SH3BP4: variants seen among roughly 807,000 people sequenced by gnomAD.
SH3BP4 encodes SH3 domain-binding protein 4.
Under a neutral mutation model 65.5 loss-of-function variants are expected in SH3BP4, and 33 were observed. The observed-to-expected ratio is 0.50, with a 90% confidence interval of 0.38 to 0.67. The LOEUF (loss-of-function observed/expected upper bound fraction) is 0.67, where lower values mean the gene tolerates loss of function less well. Ranked by LOEUF, SH3BP4 falls within the 30% of genes least tolerant of loss-of-function variation. The pLI is 0.00. For synonymous variants in SH3BP4, 552 were observed against 545.5 expected, an observed-to-expected ratio of 1.01 and a Z score of -0.17; for missense variants, 1,134 against 1,261.4, an observed-to-expected ratio of 0.90 and a Z score of 1.53.
chr2:234,974,600 A>AG lies in SH3BP4; in HGVS notation c.-206-20701dup, dbSNP rs1693112943. On this transcript the variant is annotated intron_variant, in intron 1 of 5. Coordinates refer to ENST00000392011, the MANE Select transcript of SH3BP4 (RefSeq NM_014521.3). This position sits in a 1 kb window ranked among gnomAD's most constrained non-coding sequence, Gnocchi z 4.6. ...CCCTTCAGTTTCTTGCCTTAGTGTT[A>AG]GGCTGGCGCGGGCCTTCTGGTGCTC... Among the ~76,000 whole-genome samples the AG allele has an allele frequency of 6.6e-6, 1 of 152,160 alleles. No individual in the cohort carries two copies. The highest frequency in any genetic ancestry group is 2.4e-5 in the African/African-American group (1 of 41,434).
At position 235,042,488 on chromosome 2, in the gene SH3BP4, C is replaced by A; in HGVS notation, c.1719C>A (p.Ile573=). 6.2e-7 allele frequency: 1 copy of A among 1,614,212 alleles called. No homozygotes were observed. Among genetic ancestry groups the A allele is most frequent in the Non-Finnish European group, 8.5e-7 (1 of 1,180,042 alleles). Residue 573 remains isoleucine (I), a synonymous_variant, in exon 4 of 6, where the codon ATC becomes ATA. Coordinates refer to ENST00000392011, the MANE Select transcript of SH3BP4 (RefSeq NM_014521.3). The surrounding 1 kb of genome is among the most constrained non-coding windows in gnomAD (Gnocchi z 7.3). ...AGCTGGGCAAGGTGAGCCGCCTGAT[C>A]TTCCCCATCACCTCCCAGAACCCCA... The part of the protein sequence containing the change: ...QLKLGKVSRL[I]FPITSQNPNE...
rs1693236691 is a variant in SH3BP4, at chr2:234,978,327, A to G, written c.-206-16976A>G. Among the ~76,000 whole-genome samples the G allele has an allele frequency of 6.6e-6, 1 of 152,162 alleles. No individual in the cohort carries two copies. The stretch of plus-strand genomic sequence containing the variant: ...CATTCATTAATTCATCCATTCATTC[A>G]TTCATTCAACAAGTACCTGACAGCC... On this transcript the variant is annotated intron_variant, in intron 1 of 5. Transcript: ENST00000392011. The surrounding 1 kb of genome is among the most constrained non-coding windows in gnomAD (Gnocchi z 4.1).
At chr2:235,010,107 T>A (rs895734286) in intron 2 of SH3BP4, among the ~76,000 whole-genome samples, 1 of 151,844 alleles carries the variant, frequency 6.6e-6, no homozygotes, top group African/African-American at 2.4e-5. Context: ...CATCCCCTCC[T>A]TGGCAGCCTG....
rs558758512 is a variant in SH3BP4 at position 234,969,297 on chromosome 2, T to C, written c.-207+17127T>C. ...CGGTGCTCTGATCTGCGGGTGGCTT[T>C]GGGGAACGGTAGAGTCTGGGTCTAT... On this transcript the variant is annotated intron_variant, in intron 1 of 5. Coordinates refer to ENST00000392011, the MANE Select transcript of SH3BP4 (RefSeq NM_014521.3). Among the ~76,000 whole-genome samples, 9 of 152,304 alleles carry C rather than the reference T, an allele frequency of 5.9e-5. 1 individual carries two copies. In the South Asian group the frequency reaches 1.2e-3, roughly 21 times the overall value.
chr2:235,025,662 G>A (rs1249679848), intron 2 of SH3BP4, among the ~76,000 whole-genome samples: 2 of 152,238 alleles, frequency 1.3e-5, no homozygotes, highest in Non-Finnish European at 2.9e-5. Flanking sequence ...GGAAACGAGT[G>A]TAGTTAGGGA....
At chr2:234,955,545 A>G (rs566321969) in intron 1 of SH3BP4, among the ~76,000 whole-genome samples, 2 of 152,236 alleles carry the variant, frequency 1.3e-5, no homozygotes, top group South Asian at 2.1e-4. Flanking sequence ...AGTCTCAATA[A>G]TCAGTCTTCA....
chr2:234,988,344 C>A (rs188935916), intron 1 of SH3BP4, among the ~76,000 whole-genome samples: 12 of 152,322 alleles, frequency 7.9e-5, no homozygotes, highest in South Asian at 2.1e-4. Context: ...CAGGCGTGAG[C>A]CACCACACCC....
At chr2:234,986,093 TG>T (rs2106262944) in intron 1 of SH3BP4, among the ~76,000 whole-genome samples, 16 of 139,608 alleles carry the variant, frequency 1.1e-4, no homozygotes, top group African/African-American at 4.5e-4. Flanking sequence ...AACCAGCCCT[TG>T]ACACAAACCT....
In SH3BP4 at chr2:235,041,750, G is replaced by C; in HGVS notation, c.981G>C (p.Gly327=). The part of the protein sequence containing the change: ...TNIVCKLDSS[G]GAVQLPDTSI... ...TCGTGTGCAAGCTGGATAGCTCCGG[G>C]GGTGCTGTCCAGCTTCCTGACACCA... The change falls in exon 4 of 6, where the codon GGG becomes GGC. Residue 327 remains glycine, a synonymous_variant. Transcript: ENST00000392011. The surrounding 1 kb of genome is among the most constrained non-coding windows in gnomAD (Gnocchi z 6.0). The C allele has an allele frequency of 6.2e-7, 1 of 1,606,902 alleles. No homozygotes were observed.
chr2:235,021,750 T>C (rs59524515), intron 2 of SH3BP4, among the ~76,000 whole-genome samples: 33,395 of 152,076 alleles, frequency 0.22, 3,908 homozygotes, highest in East Asian at 0.45. Flanking sequence ...ACAGCAGAAC[T>C]ATCATGGTTA....
intron 2 of SH3BP4, among the ~76,000 whole-genome samples, chr2:235,029,195 AC>A (rs1287168664): frequency 1.3e-5 from 2 of 152,192 alleles, no homozygotes; most frequent in African/African-American, 2.4e-5. Context: ...AGGTGGAGCC[AC>A]CAGGAGTGCA....
At chr2:235,023,983 G>T (rs1694920511) in intron 2 of SH3BP4, among the ~76,000 whole-genome samples, 1 of 152,174 alleles carries the variant, frequency 6.6e-6, no homozygotes, top group African/African-American at 2.4e-5. Context: ...AGTGGGAGGG[G>T]AGGAGGGACA....
In SH3BP4 at chr2:235,054,037, TTTG is replaced by T. The variant is rs1046952897; in HGVS notation, c.*224_*226del. The T allele has an allele frequency of 2.0e-6, 1 of 497,614 alleles. No individual in the cohort carries two copies. Among genetic ancestry groups the T allele is most frequent in the African/African-American group, 1.9e-5 (1 of 52,884 alleles). 30.8% of individuals were successfully genotyped at this position (497,614 alleles called of 1,614,324 possible). ...TCGTTGCCAATCACATAGCTTTCTATTTGTTAAGTATAAATTTAAATTTAAAAT... is the reference window on the plus strand; with the variant it reads ...TCGTTGCCAATCACATAGCTTTCTATTTAAGTATAAATTTAAATTTAAAAT... On this transcript the variant is annotated 3_prime_UTR_variant, in exon 6 of 6. Transcript: ENST00000392011.
At chr2:235,008,107 C>T (rs957656812) in intron 2 of SH3BP4, among the ~76,000 whole-genome samples, 3 of 152,194 alleles carry the variant, frequency 2.0e-5, no homozygotes, top group African/African-American at 7.2e-5. Context: ...TGGCCTTCCT[C>T]TCCAGACTGG....
intron 4 of SH3BP4, among the ~76,000 whole-genome samples, chr2:235,044,926 G>T (rs1241079143): frequency 6.6e-6 from 1 of 152,214 alleles, no homozygotes; most frequent in Non-Finnish European, 1.5e-5. Flanking sequence ...GCCGTCAGGG[G>T]GGCCACCTTG....
chr2:234,997,415 A>T lies in SH3BP4; in HGVS notation c.-133+2039A>T, dbSNP rs78256587. ...CTCATGGGTTCAAGTTGTTAACCTG[A>T]TCCTGCTCCCACTGTCATCACCATC... On this transcript the variant is annotated intron_variant, in intron 2 of 5. Coordinates refer to ENST00000392011, the MANE Select transcript of SH3BP4 (RefSeq NM_014521.3). This position sits in a 1 kb window ranked among gnomAD's most constrained non-coding sequence, Gnocchi z 4.2. Among the ~76,000 whole-genome samples the T allele has an allele frequency of 6.6e-3, 997 of 152,172 alleles. 19 individuals are homozygous for T. The highest frequency in any genetic ancestry group is 0.023 in the African/African-American group (943 of 41,510).
At chr2:235,006,580 T>C (rs1694303456) in intron 2 of SH3BP4, among the ~76,000 whole-genome samples, 1 of 152,158 alleles carries the variant, frequency 6.6e-6, no homozygotes, top group African/African-American at 2.4e-5. Context: ...CAGGGGCCTG[T>C]GCTCTCAGGA....
intron 2 of SH3BP4, among the ~76,000 whole-genome samples, chr2:235,002,911 C>A (rs1694176703): frequency 6.6e-6 from 1 of 152,222 alleles, no homozygotes; most frequent in East Asian, 1.9e-4. Context: ...GCAGCAGATT[C>A]CAGGGAGGGC....
Position 235,052,775 on chromosome 2 carries a change from T to C in SH3BP4, c.2667+25T>C. ...GGTGAGCAGCGGCTGAGCTTCGAGC[T>C]CACCGAGCCCCTCTGTCCCTGGGTT... On this transcript the variant is annotated intron_variant, in intron 5 of 5. Transcript: ENST00000392011. This position sits in a 1 kb window ranked among gnomAD's most constrained non-coding sequence, Gnocchi z 5.0. The C allele has an allele frequency of 1.3e-6, 2 of 1,537,602 alleles. No individual in the cohort carries two copies. The highest frequency in any genetic ancestry group is 8.7e-7 in the Non-Finnish European group (1 of 1,145,230).
Sources: allele counts gnomAD v4.1 joint callset (sites outside exome capture counted in the v4.1 genomes callset), GRCh38; gene constraint gnomAD v4.1.1; non-coding constraint Gnocchi (gnomAD v3.1); transcripts MANE v1.5; gene names NCBI Gene and HGNC (gene_info 2026-07-23, HGNC 2026-07-21).